The following RORA variants were observed in gnomAD, a reference collection of about 807,000 sequenced individuals.
RORA encodes the protein nuclear receptor ROR-alpha.
In RORA, 7 loss-of-function variants were observed where a neutral mutation model predicts 69.5. The observed-to-expected ratio is 0.10, with a 90% CI of 0.06 to 0.19. The LOEUF is 0.19. Among genes scored for constraint, RORA ranks in the 10% least tolerant of loss-of-function variants. The pLI is 1.00. For missense variants in RORA, 457 were observed against 663.0 expected (o/e 0.69, Z 3.41); for synonymous variants, 261 against 240.8 (o/e 1.08, Z -0.78).
At chr15:61,202,487 A>G (rs1034533780) in intron 1 of RORA, among the ~76,000 whole-genome samples, 49 of 152,168 alleles carry the variant, frequency 3.2e-4, no homozygotes, top group Admixed American at 3.3e-4. Flanking sequence ...CAAAAAGAAT[A>G]AGAAGAAACG....
At chr15:61,074,999 A>G (rs1452610667) in intron 1 of RORA, among the ~76,000 whole-genome samples, 1 of 151,842 alleles carries the variant, frequency 6.6e-6, no homozygotes, top group Non-Finnish European at 1.5e-5. Flanking sequence ...AGGCATGAGA[A>G]TCACTTGAAC....
rs367828540 is a variant in RORA, at chr15:60,864,086, T to G, written c.167-185400A>C. ...TCCCAAAGTGCTGGGATTATAGGCG[T>G]AAGCCACTGTGCCCAGCCCTCAGAA... On this transcript the variant is annotated intron_variant, in intron 1 of 10. Coordinates refer to ENST00000335670, the MANE Select transcript of RORA (RefSeq NM_134261.3). 5.9e-5 allele frequency among the ~76,000 whole-genome samples: 9 copies of G among 152,310 alleles called. No individual in the cohort carries two copies. The East Asian group carries it at 9.6e-4, about 16-fold the overall frequency.
intron 1 of RORA, among the ~76,000 whole-genome samples, chr15:60,782,923 G>A (rs929023396): frequency 6.6e-6 from 1 of 152,166 alleles, no homozygotes; most frequent in Non-Finnish European, 1.5e-5. Flanking sequence ...ATGGCAATTG[G>A]TAACCAAAAT....
intron 1 of RORA, among the ~76,000 whole-genome samples, chr15:61,084,261 C>T (rs1195651638): frequency 6.6e-6 from 1 of 152,166 alleles, no homozygotes; most frequent in African/African-American, 2.4e-5. Context: ...TTCTAGATCC[C>T]ATTAACCATG....
At chr15:60,579,533 T>C (rs2068130395) in intron 2 of RORA, among the ~76,000 whole-genome samples, 1 of 152,220 alleles carries the variant, frequency 6.6e-6, no homozygotes, top group South Asian at 2.1e-4. Context: ...TACAGTACTG[T>C]TGATTTCATC....
chr15:60,722,979 C>A lies in RORA; in HGVS notation c.167-44293G>T, dbSNP rs1162848080. Among the ~76,000 whole-genome samples, 7 of 152,176 alleles carry A rather than the reference C, an allele frequency of 4.6e-5. No homozygotes were observed. In the East Asian group the frequency reaches 1.3e-3, roughly 29 times the overall value. Reference sequence around the variant, plus strand: ...ACTGACCCTTGAGTTTAACTTCTTACCAGATCTCTGCAAAGATAGAAAAAA... The same window carrying A: ...ACTGACCCTTGAGTTTAACTTCTTAACAGATCTCTGCAAAGATAGAAAAAA... On this transcript the variant is annotated intron_variant, in intron 1 of 10. Coordinates refer to ENST00000335670, the MANE Select transcript of RORA (RefSeq NM_134261.3).
chr15:61,056,047 C>A (rs1349236263), intron 1 of RORA, among the ~76,000 whole-genome samples: 2 of 152,106 alleles, frequency 1.3e-5, no homozygotes, highest in African/African-American at 4.8e-5. Flanking sequence ...GCTATCAACC[C>A]AAATTCATAA....
intron 1 of RORA, among the ~76,000 whole-genome samples, chr15:61,113,044 C>A (rs1238229028): frequency 6.6e-6 from 1 of 152,212 alleles, no homozygotes; most frequent in Admixed American, 6.5e-5. Context: ...CCAGGTCTAG[C>A]ACAGCCCAGC....
At chr15:60,530,918 C>T (rs1336961204) in intron 3 of RORA, 1 of 152,038 alleles carries the variant, frequency 6.6e-6, no homozygotes. Flanking sequence ...GTCTCGAGGC[C>T]CTTCCAATAT....
chr15:61,012,045 A>G (rs1404272343), intron 1 of RORA, among the ~76,000 whole-genome samples: 1 of 152,228 alleles, frequency 6.6e-6, no homozygotes, highest in African/African-American at 2.4e-5. Flanking sequence ...CCGTTCACCA[A>G]AACTGACCAG....
chr15:61,047,971 C>T (rs1033768611), intron 1 of RORA, among the ~76,000 whole-genome samples: 4 of 152,102 alleles, frequency 2.6e-5, no homozygotes, highest in Admixed American at 2.6e-4. Flanking sequence ...TTAAAACTCC[C>T]CAGAATGCAG....
chr15:60,664,608 TAAGAA>T (rs900726856), intron 2 of RORA, among the ~76,000 whole-genome samples: 2 of 152,208 alleles, frequency 1.3e-5, no homozygotes, highest in Admixed American at 6.5e-5. Context: ...TTAAATTTCC[TAAGAA>T]GAGATGGACT....
chr15:60,542,644 A>G (rs76797501), intron 2 of RORA, among the ~76,000 whole-genome samples: 8,370 of 101,952 alleles, frequency 0.082, 1,317 homozygotes, highest in African/African-American at 0.37. Flanking sequence ...CTCACACACG[A>G]CACACGGGCA....
intron 1 of RORA, among the ~76,000 whole-genome samples, chr15:60,976,344 G>C (rs1395514729): frequency 2.0e-5 from 3 of 152,148 alleles, no homozygotes; most frequent in Non-Finnish European, 4.4e-5. Flanking sequence ...GCATAATATG[G>C]AAGCTAAGTA....
chr15:60,648,109 G>A (rs527939965), intron 2 of RORA, among the ~76,000 whole-genome samples: 17 of 152,342 alleles, frequency 1.1e-4, no homozygotes, highest in African/African-American at 3.6e-4. Flanking sequence ...GAGAGAACAC[G>A]CTTTAGAAAG....
intron 1 of RORA, among the ~76,000 whole-genome samples, chr15:61,085,012 C>T (rs1017027062): frequency 2.6e-5 from 4 of 152,078 alleles, no homozygotes; most frequent in African/African-American, 9.7e-5. Flanking sequence ...AACGGGGGAG[C>T]CCATTTTCCT....
At chr15:60,657,547 A>G (rs1310025011) in intron 2 of RORA, among the ~76,000 whole-genome samples, 1 of 152,160 alleles carries the variant, frequency 6.6e-6, no homozygotes, top group Non-Finnish European at 1.5e-5. Flanking sequence ...TGTAGACAAC[A>G]GAGCCAGTTC....
At chr15:60,957,020 G>A (rs895123019) in intron 1 of RORA, among the ~76,000 whole-genome samples, 21 of 152,206 alleles carry the variant, frequency 1.4e-4, no homozygotes, top group African/African-American at 5.1e-4. Flanking sequence ...TATAAGTCAG[G>A]TGAGAGCTGA....
intron 1 of RORA, among the ~76,000 whole-genome samples, chr15:60,781,286 T>A (rs1256420358): frequency 6.6e-6 from 1 of 152,110 alleles, no homozygotes; most frequent in Non-Finnish European, 1.5e-5. Context: ...TGTTGAGGAA[T>A]CCCCTTCCCC....
Sources: gnomAD v4.1 joint callset for allele counts (sites outside exome capture counted in the v4.1 genomes callset) on GRCh38, gnomAD v4.1.1 for gene constraint, MANE v1.5 for transcripts, NCBI Gene and HGNC (gene_info 2026-07-23, HGNC 2026-07-21) for gene names.